The following LGR5 variants were observed in gnomAD, a reference collection of about 807,000 sequenced individuals.
LGR5 encodes the protein leucine rich repeat containing G protein-coupled receptor 5, also known as leucine-rich repeat-containing G protein-coupled receptor 5.
LGR5 carries 54 observed loss-of-function variants against 76.7 expected under a neutral mutation model. That is an observed-to-expected ratio of 0.70 (90% CI 0.57 to 0.88). LGR5 has a LOEUF of 0.88. Ranked by LOEUF, LGR5 falls within the 40% of genes least tolerant of loss-of-function variation. LGR5 has a pLI of 0.00. For missense variants in LGR5, 1,078 were observed against 1,073.3 expected (o/e 1.00, Z -0.06); for synonymous variants, 406 against 421.9 (o/e 0.96, Z 0.46).
At chr12:71,491,603 G>T (rs1361444740) in intron 1 of LGR5, among the ~76,000 whole-genome samples, 1 of 151,554 alleles carries the variant, frequency 6.6e-6, no homozygotes, top group East Asian at 1.9e-4. Flanking sequence ...AATAGTAGTA[G>T]AATTTCTAGG....
intron 1 of LGR5, among the ~76,000 whole-genome samples, chr12:71,496,246 C>T (rs1398438436): frequency 1.3e-5 from 2 of 151,868 alleles, no homozygotes; most frequent in African/African-American, 4.8e-5. Flanking sequence ...TGGCACATGC[C>T]TGTAGTACCA....
chr12:71,505,947 T>C (rs1034890029), intron 2 of LGR5, among the ~76,000 whole-genome samples: 1 of 152,174 alleles, frequency 6.6e-6, no homozygotes, highest in Non-Finnish European at 1.5e-5. Context: ...TTAACCTTCA[T>C]AGGAGCTGGA....
chr12:71,571,958 G>T lies in LGR5; in HGVS notation c.1136+379G>T, dbSNP rs576162465. 1.3e-3 allele frequency among the ~76,000 whole-genome samples: 192 copies of T among 151,918 alleles called. 1 individual carries two copies. In the Middle Eastern group the frequency reaches 0.014, roughly 11 times the overall value. On this transcript the variant is annotated intron_variant, in intron 12 of 17. Coordinates refer to ENST00000266674, the MANE Select transcript of LGR5 (RefSeq NM_003667.4). ...GGGACTTGGGTTTGTTGGTGTGTTT[G>T]TTTCACAATAGTCAACTTTAGGGGA...
chr12:71,442,191 A>G (rs1429573127), intron 1 of LGR5, among the ~76,000 whole-genome samples: 2 of 152,216 alleles, frequency 1.3e-5, no homozygotes. Flanking sequence ...ACTTGAAAGA[A>G]CAAACATTTG....
chr12:71,571,087 T>C (rs1015077087), intron 11 of LGR5, among the ~76,000 whole-genome samples: 10 of 152,206 alleles, frequency 6.6e-5, no homozygotes, highest in Admixed American at 2.6e-4. Context: ...TCAAAGCTCC[T>C]GCTATGTTTT....
intron 1 of LGR5, among the ~76,000 whole-genome samples, chr12:71,503,152 T>C (rs892141696): frequency 1.0e-4 from 15 of 150,344 alleles, no homozygotes; most frequent in Non-Finnish European, 1.3e-4. Context: ...AGAAACTGCA[T>C]TGATCAGTTT....
intron 3 of LGR5, among the ~76,000 whole-genome samples, chr12:71,531,863 GT>G (rs753291022): frequency 5.3e-5 from 8 of 152,028 alleles, no homozygotes; most frequent in Non-Finnish European, 1.2e-4. Flanking sequence ...GTGAGACCCT[GT>G]CCCCCCTCCA....
In LGR5 at chr12:71,550,461, C is replaced by CT. The variant is rs71068776; in HGVS notation, c.429-2595dup. Among the ~76,000 whole-genome samples the CT allele has an allele frequency of 2.4e-3, 316 of 132,074 alleles. 1 individual carries two copies. The highest frequency in any genetic ancestry group is 6.6e-3 in the African/African-American group (230 of 35,114). 86.6% of individuals were successfully genotyped at this position (132,074 alleles called of 152,430 possible). ...GACTTTTAGAAACCACTCATACTTTCTTTTTTTTTTTTTTTTTAAGACAGA... is the reference window on the plus strand; with the variant it reads ...GACTTTTAGAAACCACTCATACTTTCTTTTTTTTTTTTTTTTTTAAGACAGA... On this transcript the variant is annotated intron_variant, in intron 4 of 17. Coordinates refer to ENST00000266674, the MANE Select transcript of LGR5 (RefSeq NM_003667.4).
chr12:71,496,639 T>C (rs1427100791), intron 1 of LGR5, among the ~76,000 whole-genome samples: 1 of 152,212 alleles, frequency 6.6e-6, no homozygotes, highest in Admixed American at 6.5e-5. Flanking sequence ...TAAGAATACT[T>C]ATAGCAGTAC....
intron 4 of LGR5, among the ~76,000 whole-genome samples, chr12:71,537,956 C>T (rs1876686139): frequency 6.6e-6 from 1 of 151,836 alleles, no homozygotes; most frequent in South Asian, 2.1e-4. Flanking sequence ...TCTTTTCACT[C>T]TCTTGAATTC....
chr12:71,515,325 T>C (rs1406037489), intron 2 of LGR5, among the ~76,000 whole-genome samples: 2 of 152,234 alleles, frequency 1.3e-5, no homozygotes, highest in African/African-American at 4.8e-5. Flanking sequence ...TTTCATCACT[T>C]ATGTATCTTT....
intron 1 of LGR5, among the ~76,000 whole-genome samples, chr12:71,460,528 A>G (rs1872644710): frequency 6.6e-6 from 1 of 152,106 alleles, no homozygotes; most frequent in Non-Finnish European, 1.5e-5. Flanking sequence ...GTCTTCTACT[A>G]TCTGTTATAT....
intron 1 of LGR5, among the ~76,000 whole-genome samples, chr12:71,483,803 CTT>C (rs1873712424): frequency 6.6e-6 from 1 of 151,846 alleles, no homozygotes; most frequent in African/African-American, 2.4e-5. Flanking sequence ...ATGTGAAGTG[CTT>C]AGCATAAATA....
chr12:71,568,619 T>C (rs1878460861), intron 11 of LGR5, among the ~76,000 whole-genome samples: 1 of 152,212 alleles, frequency 6.6e-6, no homozygotes, highest in African/African-American at 2.4e-5. Flanking sequence ...CCAATGACCC[T>C]GCAAAATGGT....
At chr12:71,503,550 A>G (rs889036983) in intron 1 of LGR5, among the ~76,000 whole-genome samples, 5 of 152,232 alleles carry the variant, frequency 3.3e-5, no homozygotes, top group Non-Finnish European at 7.4e-5. Context: ...TCAATATTTG[A>G]TAAAAGAACC....
intron 1 of LGR5, among the ~76,000 whole-genome samples, chr12:71,467,787 T>C (rs971380398): frequency 2.6e-5 from 4 of 152,216 alleles, no homozygotes; most frequent in African/African-American, 9.6e-5. Flanking sequence ...GTCATTTCCA[T>C]AGGAATGCTG....
chr12:71,560,976 TA>T (rs1379879601), intron 7 of LGR5, among the ~76,000 whole-genome samples: 3 of 152,246 alleles, frequency 2.0e-5, no homozygotes, highest in African/African-American at 7.2e-5. Context: ...AAAATTTAAT[TA>T]GCTTTTTCAT....
intron 1 of LGR5, among the ~76,000 whole-genome samples, chr12:71,500,784 T>G (rs1324918207): frequency 6.6e-6 from 1 of 152,020 alleles, no homozygotes; most frequent in African/African-American, 2.4e-5. Context: ...TTTTTAAAGC[T>G]CCTGGGTTGG....
chr12:71,488,264 A>T (rs1295128391), intron 1 of LGR5, among the ~76,000 whole-genome samples: 1 of 152,224 alleles, frequency 6.6e-6, no homozygotes. Context: ...AAATAGTGAC[A>T]TGAAGTCTTG....
Sources: gnomAD v4.1 joint callset for allele counts (sites outside exome capture counted in the v4.1 genomes callset) on GRCh38, gnomAD v4.1.1 for gene constraint, MANE v1.5 for transcripts, NCBI Gene and HGNC (gene_info 2026-07-23, HGNC 2026-07-21) for gene names.